The following SORCS2 variants were observed in gnomAD, a reference collection of about 807,000 sequenced individuals.
SORCS2 encodes the protein sortilin related VPS10 domain containing receptor 2.
In SORCS2, 100 loss-of-function variants were observed where a neutral mutation model predicts 141.6. The ratio of observed to expected loss-of-function variants is 0.71; its 90% CI spans 0.60 to 0.83. SORCS2 has a LOEUF of 0.83. Among genes scored for constraint, SORCS2 ranks in the 40% least tolerant of loss-of-function variants. The pLI is 0.00. For missense variants in SORCS2, 1,646 were observed against 1,560.2 expected (o/e 1.05, Z -0.93); for synonymous variants, 789 against 676.9 (o/e 1.17, Z -2.57).
At chr4:7,216,360 C>G (rs919216483) in intron 1 of SORCS2, among the ~76,000 whole-genome samples, 2 of 152,198 alleles carry the variant, frequency 1.3e-5, no homozygotes, top group Admixed American at 6.5e-5. Context: ...GGGTCCATGG[C>G]CACAGACAAT....
chr4:7,259,503 T>G (rs2108819411), intron 1 of SORCS2, among the ~76,000 whole-genome samples: 1 of 152,358 alleles, frequency 6.6e-6, no homozygotes. Flanking sequence ...GTGAGAGCAC[T>G]GTGCTTTCCC....
chr4:7,314,323 CTTTTTTTTATTT>C (rs1397953800), intron 1 of SORCS2, among the ~76,000 whole-genome samples: 1 of 92,802 alleles, frequency 1.1e-5, no homozygotes, highest in Admixed American at 1.1e-4. Context: ...AAATCATGGC[CTTTTTTTTATTT>C]TTTTTATTTT....
chr4:7,663,861 G>A lies in SORCS2; in HGVS notation c.953-492G>A, dbSNP rs150774718. Among the ~76,000 whole-genome samples the A allele has an allele frequency of 9.7e-4, 147 of 152,236 alleles. No homozygotes were observed. The highest frequency in any genetic ancestry group is 3.2e-3 in the African/African-American group (133 of 41,540). ...TAGCCCCTCCACATAAATTTGCCCC[G>A]GGGAAACAGAAGAACTTCAAATTAG... On this transcript the variant is annotated intron_variant, in intron 6 of 26. Transcript: ENST00000507866. This position sits in a 1 kb window ranked among gnomAD's most constrained non-coding sequence, Gnocchi z 4.8.
At chr4:7,626,438 C>T (rs1719520122) in intron 3 of SORCS2, among the ~76,000 whole-genome samples, 1 of 152,140 alleles carries the variant, frequency 6.6e-6, no homozygotes. Flanking sequence ...GAAATGTAGC[C>T]AGAAACATTC....
intron 2 of SORCS2, among the ~76,000 whole-genome samples, chr4:7,450,955 G>C (rs549456667): frequency 6.6e-6 from 1 of 150,730 alleles, no homozygotes; most frequent in Admixed American, 6.6e-5. Flanking sequence ...TGAGTGAGTG[G>C]ATGGGAGAGT....
intron 1 of SORCS2, among the ~76,000 whole-genome samples, chr4:7,202,625 C>T (rs984356398): frequency 7.2e-5 from 11 of 152,170 alleles, no homozygotes; most frequent in South Asian, 2.1e-4. Context: ...CATTTCCTGA[C>T]GCTCAGATAA....
rs1721203454 is a variant in SORCS2 at position 7,648,196 on chromosome 4, AG to A, written c.814-5936del. 6.6e-6 allele frequency among the ~76,000 whole-genome samples: 1 copy of A among 151,638 alleles called. No homozygotes were observed. The highest frequency in any genetic ancestry group is 1.5e-5 in the Non-Finnish European group (1 of 67,906). On this transcript the variant is annotated intron_variant, in intron 4 of 26. Coordinates refer to ENST00000507866, the MANE Select transcript of SORCS2 (RefSeq NM_020777.3). This position sits in a 1 kb window ranked among gnomAD's most constrained non-coding sequence, Gnocchi z 4.2. ...CCATTTACTGAGACCGCAGAGGAGG[AG>A]GAGGAGGAGGAGGAGGAAGACACGG...
At position 7,192,994 on chromosome 4, in the gene SORCS2, C is replaced by T. The variant is rs1726937479; in HGVS notation, c.348C>T (p.Arg116=). ...EDGAPAAGYR[R]WERAAPLAGV... is the part of the protein sequence containing the mutation. ...GCGCCCCCGCCGCGGGCTACCGGCG[C>T]TGGGAGCGGGCGGCGCCGCTGGCCG... The change falls in exon 1 of 27, where the codon CGC becomes CGT. Residue 116 remains arginine (R), a synonymous_variant. Coordinates refer to ENST00000507866, the MANE Select transcript of SORCS2 (RefSeq NM_020777.3). The surrounding 1 kb of genome is among the most constrained non-coding windows in gnomAD (Gnocchi z 4.0). The T allele has an allele frequency of 7.6e-6, 11 of 1,446,960 alleles. No individual in the cohort carries two copies. Among genetic ancestry groups the T allele is most frequent in the Admixed American group, 2.7e-5 (1 of 36,488 alleles). The allele number at this position is 1,446,960 out of a possible 1,614,324, so 89.6% of individuals were successfully genotyped here.
chr4:7,212,977 T>G (rs1728138799), intron 1 of SORCS2, among the ~76,000 whole-genome samples: 1 of 152,234 alleles, frequency 6.6e-6, no homozygotes, highest in Admixed American at 6.5e-5. Flanking sequence ...GAAAATACCC[T>G]TCCCACCTTG....
intron 2 of SORCS2, among the ~76,000 whole-genome samples, chr4:7,507,935 T>C (rs1199690264): frequency 6.6e-6 from 1 of 152,180 alleles, no homozygotes; most frequent in Non-Finnish European, 1.5e-5. Context: ...AAAAAACTCA[T>C]AGCTGCCAAA....
At position 7,427,614 on chromosome 4, in the gene SORCS2, T is replaced by C. The variant is rs188439919; in HGVS notation, c.548+31259T>C. ...AATGCCCGAGTCTGGGTTTCATTGGTTATGCAGGACACCCCAGGAGGTGGG... is the reference window on the plus strand; with the variant it reads ...AATGCCCGAGTCTGGGTTTCATTGGCTATGCAGGACACCCCAGGAGGTGGG... On this transcript the variant is annotated intron_variant, in intron 2 of 26. Coordinates refer to ENST00000507866, the MANE Select transcript of SORCS2 (RefSeq NM_020777.3). Among the ~76,000 whole-genome samples, 16 of 152,200 alleles carry C rather than the reference T, an allele frequency of 1.1e-4. No individual in the cohort carries two copies. In the East Asian group the frequency reaches 3.1e-3, roughly 29 times the overall value.
intron 3 of SORCS2, among the ~76,000 whole-genome samples, chr4:7,579,806 AC>A: frequency 6.6e-6 from 1 of 152,280 alleles, no homozygotes; most frequent in South Asian, 2.1e-4. Flanking sequence ...GGCTCCTAGC[AC>A]GTCAAGACAC....
chr4:7,610,373 T>C (rs1577836489), intron 3 of SORCS2, among the ~76,000 whole-genome samples: 4 of 152,026 alleles, frequency 2.6e-5, no homozygotes, highest in Middle Eastern at 3.4e-3. Flanking sequence ...TTTCCTTATC[T>C]CCATGGGACC....
At position 7,740,447 on chromosome 4, in the gene SORCS2, G is replaced by A. The variant is rs1054088918; in HGVS notation, c.*183G>A. The A allele has an allele frequency of 8.4e-6, 5 of 597,108 alleles. No individual in the cohort carries two copies. The highest frequency in any genetic ancestry group is 2.9e-5 in the Admixed American group (1 of 34,490). 37.0% of individuals were successfully genotyped at this position (597,108 alleles called of 1,614,324 possible). ...CCGCCCAGGCCCACGGGGGGCCCAC[G>A]GGACCCCCCGGGACTCCCCGGACAT... On this transcript the variant is annotated 3_prime_UTR_variant, in exon 27 of 27. Coordinates refer to ENST00000507866, the MANE Select transcript of SORCS2 (RefSeq NM_020777.3).
intron 1 of SORCS2, among the ~76,000 whole-genome samples, chr4:7,356,789 C>T (rs528321283): frequency 2.4e-4 from 36 of 152,302 alleles, no homozygotes; most frequent in African/African-American, 8.7e-4. Context: ...GCACCTGGCA[C>T]CTAGTGACTC....
At chr4:7,270,365 G>T (rs2108840581) in intron 1 of SORCS2, among the ~76,000 whole-genome samples, 1 of 152,366 alleles carries the variant, frequency 6.6e-6, no homozygotes, top group Non-Finnish European at 1.5e-5. Context: ...ACCCTTGCAG[G>T]GGGAGCTGCG....
Position 7,654,159 on chromosome 4 carries a change from A to G in SORCS2, c.839A>G (p.Lys280Arg). Residue 280 changes from lysine to arginine, a missense_variant, in exon 5 of 27, where the codon AAA (lysine) becomes AGA (arginine). By Grantham distance (26) the Lys-to-Arg change is conservative (BLOSUM62 2). Transcript: ENST00000507866. ...SKLYVSSDLG[K>R]KWTLLQERVT... ...CTCTACGTGTCATCTGACTTGGGGA[A>G]AAAGTGGACACTTCTGCAAGAGCGA... 6.3e-7 allele frequency: 1 copy of G among 1,583,006 alleles called. No individual in the cohort carries two copies. Among genetic ancestry groups the G allele is most frequent in the Non-Finnish European group, 8.6e-7 (1 of 1,163,090 alleles).
chr4:7,546,449 T>C (rs1048948373), intron 3 of SORCS2, among the ~76,000 whole-genome samples: 1 of 152,136 alleles, frequency 6.6e-6, no homozygotes, highest in African/African-American at 2.4e-5. Context: ...TTTGCCTCAA[T>C]ATTGCATGTC....
rs1267196499 is a variant in SORCS2, at chr4:7,648,546, CA to C, written c.814-5586del. On this transcript the variant is annotated intron_variant, in intron 4 of 26. Coordinates refer to ENST00000507866, the MANE Select transcript of SORCS2 (RefSeq NM_020777.3). This position sits in a 1 kb window ranked among gnomAD's most constrained non-coding sequence, Gnocchi z 4.2. ...GGCAACTGCTGGGAACAAAACAGAC[CA>C]ACCCCTGCCCTCGTGGGGCCTCCTT... Among the ~76,000 whole-genome samples, 1 of 152,076 alleles carries C rather than the reference CA, an allele frequency of 6.6e-6. No individual in the cohort carries two copies.
Sources: allele counts gnomAD v4.1 joint callset (sites outside exome capture counted in the v4.1 genomes callset), GRCh38; gene constraint gnomAD v4.1.1; non-coding constraint Gnocchi (gnomAD v3.1); transcripts MANE v1.5; gene names NCBI Gene and HGNC (gene_info 2026-07-23, HGNC 2026-07-21).